The following CAMKMT variants were observed in gnomAD, a reference collection of about 807,000 sequenced individuals.
CAMKMT encodes the protein CaM KMT.
In CAMKMT, 53 loss-of-function variants were observed where a neutral mutation model predicts 48.0. The observed-to-expected ratio is 1.10, with a 90% confidence interval of 0.89 to 1.39. The LOEUF is 1.39. Among genes scored for constraint, CAMKMT ranks in the 40% most tolerant of loss-of-function variants. The pLI, the probability that CAMKMT is intolerant of heterozygous loss-of-function variation, is 0.00. For missense variants in CAMKMT, 428 were observed against 402.7 expected (o/e 1.06, Z -0.54); for synonymous variants, 165 against 152.3 (o/e 1.08, Z -0.61).
intron 3 of CAMKMT, among the ~76,000 whole-genome samples, chr2:44,513,878 A>T (rs1264891802): frequency 6.6e-6 from 1 of 152,102 alleles, no homozygotes; most frequent in Non-Finnish European, 1.5e-5. Flanking sequence ...AGGTGGGCAG[A>T]TCGCTTGAGC....
At chr2:44,754,238 G>A in intron 9 of CAMKMT, 120 bp downstream of exon 9, 1 of 735,440 alleles carries the variant, frequency 1.4e-6, no homozygotes, top group East Asian at 2.7e-5. Context: ...TACTTATTAT[G>A]TCCAACTTCA....
At chr2:44,673,516 A>AGGAAGGAG (rs770965200) in intron 3 of CAMKMT, among the ~76,000 whole-genome samples, 2 of 105,266 alleles carry the variant, frequency 1.9e-5, no homozygotes, top group Non-Finnish European at 3.9e-5. Flanking sequence ...GAAGGAAGGA[A>AGGAAGGAG]GGAAGGAGGG....
chr2:44,647,949 T>G lies in CAMKMT; in HGVS notation c.377-56334T>G, dbSNP rs10164919. 6.2e-5 allele frequency among the ~76,000 whole-genome samples: 9 copies of G among 145,464 alleles called. No homozygotes were observed. In the East Asian group the frequency reaches 1.8e-3, roughly 30 times the overall value. On this transcript the variant is annotated intron_variant, in intron 3 of 10. Transcript: ENST00000378494. ...AAAAAAAAGAAACTATGAACAGCAA[T>G]GATTGCCTGTATAAGGATGTTCACT...
At chr2:44,581,228 C>T (rs1669541976) in intron 3 of CAMKMT, among the ~76,000 whole-genome samples, 1 of 152,150 alleles carries the variant, frequency 6.6e-6, no homozygotes, top group Non-Finnish European at 1.5e-5. Flanking sequence ...CTATGTGTAT[C>T]TAGCTGATGA....
At chr2:44,741,036 G>A (rs1679648862) in intron 7 of CAMKMT, among the ~76,000 whole-genome samples, 1 of 152,194 alleles carries the variant, frequency 6.6e-6, no homozygotes, top group African/African-American at 2.4e-5. Context: ...TGTGAACTGT[G>A]TGTTACTGAT....
At chr2:44,455,511 A>T (rs1011003669) in intron 3 of CAMKMT, among the ~76,000 whole-genome samples, 1 of 152,194 alleles carries the variant, frequency 6.6e-6, no homozygotes, top group Non-Finnish European at 1.5e-5. Flanking sequence ...CAGCTGTAAG[A>T]ATTTAATGGG....
rs934777 is a variant in CAMKMT, at chr2:44,618,119, T to C, written c.377-86164T>C. Among the ~76,000 whole-genome samples the C allele has an allele frequency of 0.59, 89,209 of 152,032 alleles. 27,129 individuals are homozygous for C. The highest frequency in any genetic ancestry group is 0.68 in the Admixed American group (10,331 of 15,292). ...AAAAGTAAAAAATGATGTTCTCTGC[T>C]TCAAGCAGCAGGTGTGTTTTTAATC... On this transcript the variant is annotated intron_variant, in intron 3 of 10. Coordinates refer to ENST00000378494, the MANE Select transcript of CAMKMT (RefSeq NM_024766.5). The surrounding 1 kb of genome is among the most constrained non-coding windows in gnomAD (Gnocchi z 4.0).
At chr2:44,673,014 A>G (rs1377513836) in intron 3 of CAMKMT, among the ~76,000 whole-genome samples, 1 of 152,202 alleles carries the variant, frequency 6.6e-6, no homozygotes, top group African/African-American at 2.4e-5. Flanking sequence ...AATAGGGAGT[A>G]ATGATCTTAA....
At chr2:44,597,313 G>C (rs1177212762) in intron 3 of CAMKMT, among the ~76,000 whole-genome samples, 2 of 152,182 alleles carry the variant, frequency 1.3e-5, no homozygotes, top group Admixed American at 6.5e-5. Context: ...ATTTCCCTTA[G>C]CTACCTCCAT....
chr2:44,741,788 C>T (rs1679690219), intron 7 of CAMKMT, among the ~76,000 whole-genome samples: 1 of 152,152 alleles, frequency 6.6e-6, no homozygotes, highest in Non-Finnish European at 1.5e-5. Flanking sequence ...CTGCTTAGAC[C>T]CCTATCTCTC....
intron 3 of CAMKMT, among the ~76,000 whole-genome samples, chr2:44,583,801 A>C (rs1669701118): frequency 6.6e-6 from 1 of 152,132 alleles, no homozygotes; most frequent in Non-Finnish European, 1.5e-5. Context: ...GTCTCTGAAA[A>C]GAAGAAAGAA....
At chr2:44,555,183 A>AT (rs1667941103) in intron 3 of CAMKMT, among the ~76,000 whole-genome samples, 1 of 152,156 alleles carries the variant, frequency 6.6e-6, no homozygotes. Context: ...TCAGGTTCAT[A>AT]TTTTTACCAT....
At chr2:44,636,765 C>G (rs7580731) in intron 3 of CAMKMT, among the ~76,000 whole-genome samples, 18,783 of 152,154 alleles carry the variant, frequency 0.12, 1,340 homozygotes, top group Admixed American at 0.22. Flanking sequence ...ACTCATTTTA[C>G]CAATTGGAAA....
intron 3 of CAMKMT, among the ~76,000 whole-genome samples, chr2:44,480,776 G>T (rs1005699677): frequency 8.7e-6 from 1 of 114,312 alleles, no homozygotes; most frequent in Admixed American, 8.8e-5. Flanking sequence ...AGGTACATTT[G>T]TAAACTCTAT....
At chr2:44,673,520 A>AGGAAGGAAGGAAGGAG (rs1280980481) in intron 3 of CAMKMT, among the ~76,000 whole-genome samples, 33 of 88,056 alleles carry the variant, frequency 3.7e-4, no homozygotes, top group African/African-American at 1.3e-3. Context: ...GAAGGAAGGA[A>AGGAAGGAAGGAAGGAG]GGAGGGAAGG....
intron 10 of CAMKMT, among the ~76,000 whole-genome samples, chr2:44,768,359 A>AT (rs202087319): frequency 0.045 from 4,525 of 101,320 alleles, 110 homozygotes; most frequent in East Asian, 0.12. Flanking sequence ...ATATATATAT[A>AT]TATTTTTTTT....
intron 3 of CAMKMT, among the ~76,000 whole-genome samples, chr2:44,460,773 T>G (rs533798331): frequency 7.0e-6 from 1 of 143,706 alleles, no homozygotes; most frequent in African/African-American, 2.6e-5. Context: ...CAGGCTGGAG[T>G]GTGCAGTGGC....
intron 3 of CAMKMT, among the ~76,000 whole-genome samples, chr2:44,511,239 T>C (rs1056237924): frequency 6.6e-6 from 1 of 152,230 alleles, no homozygotes; most frequent in Non-Finnish European, 1.5e-5. Flanking sequence ...GTTGCTTCAC[T>C]TAGAATAATG....
At chr2:44,399,600 C>T (rs1441507998) in intron 3 of CAMKMT, among the ~76,000 whole-genome samples, 1 of 151,292 alleles carries the variant, frequency 6.6e-6, no homozygotes. Flanking sequence ...ACTGGTTCTA[C>T]ACCTCTTAAA....
Sources: allele counts gnomAD v4.1 joint callset (sites outside exome capture counted in the v4.1 genomes callset), GRCh38; gene constraint gnomAD v4.1.1; non-coding constraint Gnocchi (gnomAD v3.1); transcripts MANE v1.5; gene names NCBI Gene and HGNC (gene_info 2026-07-23, HGNC 2026-07-21).